Variants in CHD1 observed in about 807,000 individuals in gnomAD.
CHD1 encodes the protein chromodomain helicase DNA binding protein 1, also known as ATP-dependent chromatin remodeler CHD1.
In CHD1, 36 loss-of-function variants were observed where a neutral mutation model predicts 224.2. That is an observed-to-expected ratio of 0.16 (90% CI 0.12 to 0.21). CHD1 has a LOEUF of 0.21. Ranked by LOEUF, CHD1 falls within the 10% of genes least tolerant of loss-of-function variation. CHD1 has a pLI of 1.00. For missense variants in CHD1, 1,378 were observed against 1,994.8 expected, an observed-to-expected ratio of 0.69 and a Z score of 5.89; for synonymous variants, 668 against 658.3, an observed-to-expected ratio of 1.01 and a Z score of -0.23.
At chr5:98,923,069 C>T (rs1753212081) in intron 2 of CHD1, among the ~76,000 whole-genome samples, 2 of 152,168 alleles carry the variant, frequency 1.3e-5, no homozygotes, top group Non-Finnish European at 2.9e-5. Flanking sequence ...AATCCCTCTA[C>T]CTCTAAAGTT....
intron 11 of CHD1, 117 bp from the exon 12 acceptor site, chr5:98,896,559 G>A (rs1246071239): frequency 3.1e-6 from 2 of 647,150 alleles, no homozygotes; most frequent in African/African-American, 3.7e-5. Context: ...GTATTATATA[G>A]AATATACCAC....
At chr5:98,913,652 G>A (rs1752561379) in intron 2 of CHD1, among the ~76,000 whole-genome samples, 2 of 152,086 alleles carry the variant, frequency 1.3e-5, no homozygotes, top group South Asian at 4.2e-4. Context: ...CTGTACACTG[G>A]TTAGATGAGC....
intron 12 of CHD1, among the ~76,000 whole-genome samples, chr5:98,894,932 C>T (rs1051111015): frequency 6.6e-6 from 1 of 151,976 alleles, no homozygotes; most frequent in African/African-American, 2.4e-5. Context: ...AGTGATCCTC[C>T]TGCCTCAGCC....
In CHD1 at chr5:98,900,822, C is replaced by T; in HGVS notation, c.848G>A (p.Gly283Glu). Residue 283 changes from glycine to glutamate, a missense_variant, in exon 7 of 36, where the codon GGG (glycine) becomes GAG (glutamate). Coordinates refer to ENST00000614616, the MANE Select transcript of CHD1 (RefSeq NM_001270.4). ...TTTTTAAAAACTACCTCCTTTTCTCCCAATCCGACAATCCATAAATCTTTC... is the reference window on the plus strand; with the variant it reads ...TTTTTAAAAACTACCTCCTTTTCTCTCAATCCGACAATCCATAAATCTTTC... Reference protein sequence around the residue: ...TIERFMDCRIGRKGATGATTT... With the variant: ...TIERFMDCRIERKGATGATTT... 1 of 1,605,872 alleles carries T rather than the reference C, an allele frequency of 6.2e-7. No homozygotes were observed. Among genetic ancestry groups the T allele is most frequent in the Non-Finnish European group, 8.5e-7 (1 of 1,177,728 alleles).
chr5:98,869,938 T>G, intron 29 of CHD1, 56 bp from the exon 30 acceptor site: 1 of 1,337,586 alleles, frequency 7.5e-7, no homozygotes, highest in Non-Finnish European at 1.0e-6. Context: ...TTTAAAAACT[T>G]CATAAACATT....
intron 2 of CHD1, among the ~76,000 whole-genome samples, chr5:98,915,963 T>G (rs2112613867): frequency 6.6e-6 from 1 of 152,122 alleles, no homozygotes; most frequent in Admixed American, 6.5e-5. Flanking sequence ...GAGGCTGAGG[T>G]GGGTCGATCA....
intron 2 of CHD1, among the ~76,000 whole-genome samples, chr5:98,926,050 G>T (rs963625630): frequency 6.6e-6 from 1 of 151,842 alleles, no homozygotes; most frequent in Non-Finnish European, 1.5e-5. Flanking sequence ...ACATGCTCCA[G>T]CTTAATTATT....
intron 2 of CHD1, among the ~76,000 whole-genome samples, chr5:98,923,824 T>A (rs955140007): frequency 4.6e-5 from 7 of 152,232 alleles, no homozygotes; most frequent in African/African-American, 1.7e-4. Context: ...GTAGTCAGAA[T>A]ATACCAGCAC....
intron 2 of CHD1, among the ~76,000 whole-genome samples, chr5:98,925,858 G>C (rs1490253785): frequency 6.6e-6 from 1 of 150,834 alleles, no homozygotes; most frequent in Non-Finnish European, 1.5e-5. Context: ...AATATATCTA[G>C]TATGACTAAG....
intron 33 of CHD1, 22 bp from the exon 34 acceptor site, chr5:98,859,037 TAAG>T (rs756301426): frequency 6.4e-7 from 1 of 1,554,344 alleles, no homozygotes; most frequent in Non-Finnish European, 8.7e-7. Context: ...GCACACGTGT[TAAG>T]AATCTTTAGG....
intron 16 of CHD1, 139 bp from the exon 17 acceptor site, chr5:98,888,379 AT>A: frequency 1.5e-6 from 1 of 660,146 alleles, no homozygotes; most frequent in Non-Finnish European, 2.4e-6. Context: ...ACTTTTCAAA[AT>A]TTTCTAAGAC....
intron 29 of CHD1, 31 bp from the exon 30 acceptor site, chr5:98,869,913 T>C (rs759447474): frequency 2.6e-6 from 4 of 1,519,626 alleles, no homozygotes; most frequent in South Asian, 2.4e-5. Context: ...TTTAACCAAT[T>C]CTACAGATTT....
rs1320641583 is a variant in CHD1 at position 98,881,166 on chromosome 5, C to A, written c.2970G>T (p.Met990Ile). 1 of 1,587,278 alleles carries A rather than the reference C, an allele frequency of 6.3e-7. No homozygotes were observed. The change falls in exon 22 of 36, where the codon ATG (methionine) becomes ATT (isoleucine). Residue 990 changes from methionine to isoleucine, a missense_variant. Around this residue, in one of 16 missense-constraint regions of CHD1, gnomAD observed 286 missense variants for 445.1 expected, o/e 0.64. Coordinates refer to ENST00000614616, the MANE Select transcript of CHD1 (RefSeq NM_001270.4). ...PEGEEQEPQE[M>I]DIDEILKRAE... is the part of the protein sequence containing the mutation. ...CTCTCTTCAAGATTTCATCTATATC[C>A]ATTTCCTATAATTAAAAAGACAATA...
At chr5:98,888,932 A>G (rs1465783924) in intron 16 of CHD1, 144 bp downstream of exon 16, 2 of 461,948 alleles carry the variant, frequency 4.3e-6, no homozygotes, top group Non-Finnish European at 7.5e-6. Context: ...ACAAAGATTA[A>G]TAACTGAGAC....
chr5:98,872,354 G>T (rs1749414949), intron 27 of CHD1, 63 bp downstream of exon 27: 4 of 1,505,186 alleles, frequency 2.7e-6, no homozygotes, highest in Non-Finnish European at 3.6e-6. Flanking sequence ...TAAAAATTCA[G>T]CACATTCATT....
chr5:98,883,701 A>T (rs1018920481), intron 18 of CHD1, among the ~76,000 whole-genome samples: 1 of 151,648 alleles, frequency 6.6e-6, no homozygotes, highest in Non-Finnish European at 1.5e-5. Flanking sequence ...ATGTGGAACC[A>T]GCCCAAACGC....
chr5:98,863,632 T>A, intron 31 of CHD1, 46 bp from the exon 32 acceptor site: 1 of 1,368,696 alleles, frequency 7.3e-7, no homozygotes, highest in Non-Finnish European at 1.0e-6. Context: ...ATTAAAAACC[T>A]AAATTCAACA....
intron 2 of CHD1, among the ~76,000 whole-genome samples, chr5:98,915,087 T>C (rs1173946392): frequency 3.9e-5 from 6 of 152,176 alleles, no homozygotes; most frequent in African/African-American, 1.2e-4. Context: ...TTTTGGACCA[T>C]GACCTATATA....
In CHD1 at chr5:98,900,825, A is replaced by C. The variant is rs747421643; in HGVS notation, c.845T>G (p.Ile282Ser). Residue 282 changes from isoleucine (I) to serine (S), a missense_variant, in exon 7 of 36, where the codon ATT (isoleucine) becomes AGT (serine). This residue lies in a region of CHD1 where 40 missense variants were observed against 60.0 expected (regional missense o/e 0.67). Coordinates refer to ENST00000614616, the MANE Select transcript of CHD1 (RefSeq NM_001270.4). ...ETIERFMDCR[I>S]GRKGATGATT... ...TTAAAAACTACCTCCTTTTCTCCCA[A>C]TCCGACAATCCATAAATCTTTCTAT... 6.2e-7 allele frequency: 1 copy of C among 1,608,168 alleles called. No individual in the cohort carries two copies. Among genetic ancestry groups the C allele is most frequent in the East Asian group, 2.2e-5 (1 of 44,842 alleles).
Sources: allele counts gnomAD v4.1 joint callset (sites outside exome capture counted in the v4.1 genomes callset), GRCh38; gene constraint gnomAD v4.1.1; regional missense constraint gnomAD v4.1.1; transcripts MANE v1.5; gene names NCBI Gene and HGNC (gene_info 2026-07-23, HGNC 2026-07-21).